THEMIS: variants seen among roughly 807,000 people sequenced by gnomAD.
The protein encoded by THEMIS is protein THEMIS.
THEMIS carries 37 observed loss-of-function variants against 52.6 expected under a neutral mutation model. That is an observed-to-expected ratio of 0.70 (90% CI 0.54 to 0.93). THEMIS has a LOEUF of 0.93. THEMIS is among the 40% of genes least tolerant of loss of function. The pLI, the probability that THEMIS is intolerant of heterozygous loss-of-function variation, is 0.00. For missense variants in THEMIS, 808 were observed against 763.1 expected (o/e 1.06, Z -0.69); for synonymous variants, 292 against 272.7 (o/e 1.07, Z -0.70).
At chr6:127,743,770 G>A (rs1775288201) in intron 4 of THEMIS, among the ~76,000 whole-genome samples, 3 of 151,898 alleles carry the variant, frequency 2.0e-5, no homozygotes, top group African/African-American at 7.3e-5. Context: ...TCATAAATGC[G>A]AATCATTTAT....
the THEMIS span, among the ~76,000 whole-genome samples, chr6:127,700,067 T>C: frequency 6.6e-6 from 1 of 151,946 alleles, no homozygotes; most frequent in Non-Finnish European, 1.5e-5. Context: ...GATGAAGAAC[T>C]TGTATTTAAT....
chr6:127,821,342 A>G (rs1020333218), intron 3 of THEMIS, among the ~76,000 whole-genome samples: 34 of 152,118 alleles, frequency 2.2e-4, no homozygotes, highest in African/African-American at 8.0e-4. Flanking sequence ...ATAAGAAGGC[A>G]ACACCTGAGA....
chr6:127,815,188 GTTAATA>G (rs900617931), intron 3 of THEMIS, among the ~76,000 whole-genome samples: 2 of 151,914 alleles, frequency 1.3e-5, no homozygotes, highest in Admixed American at 6.6e-5. Context: ...AAAGTTATGT[GTTAATA>G]TTAACAGGGT....
intron 1 of THEMIS, among the ~76,000 whole-genome samples, chr6:127,856,842 T>C (rs1265670165): frequency 6.6e-6 from 1 of 151,962 alleles, no homozygotes; most frequent in Non-Finnish European, 1.5e-5. Context: ...GTGACATTTT[T>C]CCCCCAATTG....
intron 5 of THEMIS, among the ~76,000 whole-genome samples, chr6:127,716,437 C>T (rs578028402): frequency 6.6e-6 from 1 of 151,964 alleles, no homozygotes; most frequent in Admixed American, 6.6e-5. Flanking sequence ...TAACCATAGA[C>T]CCTTCTCAGG....
intron 1 of THEMIS, among the ~76,000 whole-genome samples, chr6:127,906,826 A>G (rs1301916673): frequency 6.6e-6 from 1 of 151,990 alleles, no homozygotes; most frequent in Non-Finnish European, 1.5e-5. Flanking sequence ...CAAGAGAAGT[A>G]TTGTTGAAAA....
At chr6:127,835,043 A>C (rs2114677434) in intron 2 of THEMIS, among the ~76,000 whole-genome samples, 1 of 152,282 alleles carries the variant, frequency 6.6e-6, no homozygotes, top group South Asian at 2.1e-4. Flanking sequence ...CTTGATGGCA[A>C]CACAGCTCCC....
chr6:127,911,067 C>A (rs1781400539), intron 1 of THEMIS, among the ~76,000 whole-genome samples: 1 of 147,620 alleles, frequency 6.8e-6, no homozygotes, highest in African/African-American at 2.7e-5. Flanking sequence ...GGGAGGAAGA[C>A]CACAGAGGTA....
downstream of THEMIS, among the ~76,000 whole-genome samples, chr6:127,707,030 G>C (rs1223732666): frequency 1.3e-5 from 2 of 152,070 alleles, no homozygotes; most frequent in African/African-American, 2.4e-5. Context: ...TGGCAGAAGG[G>C]GAAGCAAACA....
At chr6:127,769,503 G>A (rs1002911093) in intron 4 of THEMIS, among the ~76,000 whole-genome samples, 1 of 152,084 alleles carries the variant, frequency 6.6e-6, no homozygotes, top group Admixed American at 6.6e-5. Flanking sequence ...GCAACACGCT[G>A]AAAGTCACAA....
intron 1 of THEMIS, among the ~76,000 whole-genome samples, chr6:127,867,072 CCTTT>C (rs1188528340): frequency 5.3e-5 from 8 of 151,448 alleles, no homozygotes; most frequent in African/African-American, 1.7e-4. Flanking sequence ...AAAGACTGTT[CCTTT>C]CTTTCTTCTA....
intron 1 of THEMIS, among the ~76,000 whole-genome samples, chr6:127,883,741 T>A (rs1185603001): frequency 6.6e-6 from 1 of 152,146 alleles, no homozygotes; most frequent in East Asian, 1.9e-4. Context: ...AAATAAGATT[T>A]GTGCTCAATT....
chr6:127,868,905 C>G (rs953981570), intron 1 of THEMIS, among the ~76,000 whole-genome samples: 1 of 152,032 alleles, frequency 6.6e-6, no homozygotes, highest in Non-Finnish European at 1.5e-5. Context: ...ATATGCCAAA[C>G]AGAATAACAG....
At chr6:127,768,434 C>T (rs1776269555) in intron 4 of THEMIS, among the ~76,000 whole-genome samples, 1 of 152,106 alleles carries the variant, frequency 6.6e-6, no homozygotes, top group Non-Finnish European at 1.5e-5. Context: ...CATCAGTTTT[C>T]TAGTCTGAAG....
chr6:127,908,759 A>T (rs1015984037), intron 1 of THEMIS, among the ~76,000 whole-genome samples: 2 of 152,056 alleles, frequency 1.3e-5, no homozygotes, highest in South Asian at 4.1e-4. Context: ...TAACTGCAAT[A>T]TGTCTGTAGA....
chr6:127,728,068 T>C (rs1185875537), intron 4 of THEMIS, among the ~76,000 whole-genome samples: 1 of 152,200 alleles, frequency 6.6e-6, no homozygotes, highest in Non-Finnish European at 1.5e-5. Flanking sequence ...CATGTTATCC[T>C]GTTTGCTTTC....
At chr6:127,918,257 A>T (rs1781566610) in intron 1 of THEMIS, among the ~76,000 whole-genome samples, 1 of 152,232 alleles carries the variant, frequency 6.6e-6, no homozygotes, top group African/African-American at 2.4e-5. Context: ...TTTAAGGATT[A>T]TCAACTTGAC....
intron 2 of THEMIS, among the ~76,000 whole-genome samples, chr6:127,850,214 C>T (rs907846021): frequency 6.6e-6 from 1 of 151,622 alleles, no homozygotes; most frequent in Non-Finnish European, 1.5e-5. Flanking sequence ...AAAGAATAGC[C>T]ATAATAAAAA....
At position 127,709,943 on chromosome 6, in the gene THEMIS, A is replaced by G; in HGVS notation, c.*42T>C. ...GAAGGCTAGCTTCTTTTTTCACTGC[A>G]ACATTTATGTTTGCTGCCTAAGTGG... On this transcript the variant is annotated 3_prime_UTR_variant, in exon 6 of 6. Coordinates refer to ENST00000368248, the MANE Select transcript of THEMIS (RefSeq NM_001010923.3). 6.4e-7 allele frequency: 1 copy of G among 1,564,192 alleles called. No homozygotes were observed. Among genetic ancestry groups the G allele is most frequent in the Non-Finnish European group, 8.7e-7 (1 of 1,154,970 alleles).
Sources: allele counts gnomAD v4.1 joint callset (sites outside exome capture counted in the v4.1 genomes callset), GRCh38; gene constraint gnomAD v4.1.1; transcripts MANE v1.5; gene names NCBI Gene and HGNC (gene_info 2026-07-23, HGNC 2026-07-21).